The following TMEM178B variants were observed in gnomAD, a reference collection of about 807,000 sequenced individuals.
The protein encoded by TMEM178B is transmembrane protein 178B.
A neutral mutation model predicts 31.0 loss-of-function variants in TMEM178B; 5 were observed. That is an observed-to-expected ratio of 0.16 (90% CI 0.08 to 0.34). The LOEUF (loss-of-function observed/expected upper bound fraction) is 0.34. TMEM178B is among the 10% of genes least tolerant of loss of function. TMEM178B has a pLI of 1.00. For missense variants in TMEM178B, 275 were observed against 400.3 expected, an observed-to-expected ratio of 0.69 and a Z score of 2.67; for synonymous variants, 164 against 164.0, an observed-to-expected ratio of 1.00 and a Z score of 0.00.
Position 141,437,709 on chromosome 7 carries a change from A to T in TMEM178B, c.598A>T (p.Met200Leu). The change falls in exon 3 of 4, where the codon ATG becomes TTG. Residue 200 changes from methionine to leucine, a missense_variant. By Grantham distance (15) the Met-to-Leu change is conservative. Coordinates refer to ENST00000565468, the MANE Select transcript of TMEM178B (RefSeq NM_001195278.2). ...GGGCTGCTGCTGGGACCGAGGCCTT[A>T]TGCAGTACGTGGCAGGGCTGCTCTT... The part of the protein sequence containing the change: ...VLGCCWDRGL[M>L]QYVAGLLFLM... 6.5e-7 allele frequency: 1 copy of T among 1,536,160 alleles called. No individual in the cohort carries two copies. The highest frequency in any genetic ancestry group is 8.7e-7 in the Non-Finnish European group (1 of 1,146,888).
chr7:141,350,674 C>G (rs908711457), intron 2 of TMEM178B, among the ~76,000 whole-genome samples: 1 of 152,044 alleles, frequency 6.6e-6, no homozygotes, highest in Non-Finnish European at 1.5e-5. Context: ...ATATGTTTAC[C>G]AGGTTAAATT....
chr7:141,122,490 C>T (rs1291390062), intron 1 of TMEM178B, among the ~76,000 whole-genome samples: 6 of 152,158 alleles, frequency 3.9e-5, no homozygotes, highest in Non-Finnish European at 7.4e-5. Flanking sequence ...GATTGTGAAA[C>T]AAAGGGATGT....
chr7:141,135,921 G>GT (rs148351165), intron 1 of TMEM178B, among the ~76,000 whole-genome samples: 5,122 of 151,750 alleles, frequency 0.034, 289 homozygotes, highest in African/African-American at 0.11. Flanking sequence ...GAAATGAGAG[G>GT]TTTTTTTTGA....
chr7:141,092,952 G>A (rs1794903477), intron 1 of TMEM178B, among the ~76,000 whole-genome samples: 1 of 152,258 alleles, frequency 6.6e-6, no homozygotes, highest in South Asian at 2.1e-4. Flanking sequence ...AGAGAATGGT[G>A]GCATGTTATA....
chr7:141,230,816 A>T (rs1797430021), intron 2 of TMEM178B, among the ~76,000 whole-genome samples: 1 of 151,840 alleles, frequency 6.6e-6, no homozygotes, highest in African/African-American at 2.4e-5. Flanking sequence ...TTTATTTTTT[A>T]TTTTTTGTAG....
intron 2 of TMEM178B, among the ~76,000 whole-genome samples, chr7:141,243,483 G>A (rs941491410): frequency 2.0e-5 from 3 of 152,154 alleles, no homozygotes; most frequent in Non-Finnish European, 2.9e-5. Flanking sequence ...TGAGGGAAAC[G>A]TCAGCAGGGG....
intron 1 of TMEM178B, among the ~76,000 whole-genome samples, chr7:141,086,897 G>T (rs1794797078): frequency 6.6e-6 from 1 of 151,896 alleles, no homozygotes; most frequent in Non-Finnish European, 1.5e-5. Flanking sequence ...CATGTTGGCC[G>T]GGCTCTTATC....
chr7:141,174,240 G>T (rs926349241), intron 1 of TMEM178B, among the ~76,000 whole-genome samples: 1 of 151,844 alleles, frequency 6.6e-6, no homozygotes, highest in African/African-American at 2.4e-5. Context: ...GCATTAGTTT[G>T]CTGAGAATGA....
rs115084496 is a variant in TMEM178B, at chr7:141,372,333, C to T, written c.497-65275C>T. Among the ~76,000 whole-genome samples the T allele has an allele frequency of 5.4e-3, 817 of 152,260 alleles. 8 individuals are homozygous for T. The highest frequency in any genetic ancestry group is 0.019 in the African/African-American group (789 of 41,550). On this transcript the variant is annotated intron_variant, in intron 2 of 3. Coordinates refer to ENST00000565468, the MANE Select transcript of TMEM178B (RefSeq NM_001195278.2). ...CTCCTCGCTGTCTCTGCTCGGGACA[C>T]ACAGATCTCCAGGCTGTTCATCATG...
intron 1 of TMEM178B, among the ~76,000 whole-genome samples, chr7:141,163,695 A>G (rs1796215584): frequency 2.0e-5 from 3 of 151,762 alleles, no homozygotes; most frequent in African/African-American, 7.3e-5. Context: ...TTGTATTTTT[A>G]GTAGAGGTGG....
chr7:141,471,787 T>C lies in TMEM178B; in HGVS notation c.*1001T>C, dbSNP rs141917843. 3.4e-3 allele frequency: 376 copies of C among 112,020 alleles called. 2 individuals carry two copies. Among genetic ancestry groups the C allele is most frequent in the African/African-American group, 0.013 (247 of 18,938 alleles). 6.9% of individuals were successfully genotyped at this position (112,020 alleles called of 1,614,324 possible). On this transcript the variant is annotated 3_prime_UTR_variant, in exon 4 of 4. Transcript: ENST00000565468. This position sits in a 1 kb window ranked among gnomAD's most constrained non-coding sequence, Gnocchi z 4.1. The stretch of plus-strand genomic sequence containing the variant: ...CTGGAGTGGTGTGTGTGTGCGTGTG[T>C]GTGTGTGTGTGTGTGTGTGTGTGTG...
intron 2 of TMEM178B, among the ~76,000 whole-genome samples, chr7:141,332,016 T>C (rs559332115): frequency 2.0e-5 from 3 of 152,338 alleles, no homozygotes; most frequent in Admixed American, 1.3e-4. Flanking sequence ...TCAGGACACT[T>C]ACCTGTACCC....
chr7:141,510,880 C>T, the TMEM178B span, among the ~76,000 whole-genome samples: 3 of 151,954 alleles, frequency 2.0e-5, no homozygotes, highest in Admixed American at 6.6e-5. Context: ...CAAAGAGCCA[C>T]AAAGAAGGGT....
At chr7:141,366,312 C>G (rs186290202) in intron 2 of TMEM178B, among the ~76,000 whole-genome samples, 4 of 152,084 alleles carry the variant, frequency 2.6e-5, no homozygotes, top group Admixed American at 6.5e-5. Context: ...ACTTCTGGCT[C>G]GAAAGGGAAA....
chr7:141,285,938 G>A (rs1047778405), intron 2 of TMEM178B, among the ~76,000 whole-genome samples: 5 of 152,098 alleles, frequency 3.3e-5, no homozygotes, highest in Admixed American at 3.3e-4. Context: ...TCCAGGGCCT[G>A]TCAGAGGATG....
At chr7:141,207,183 C>T (rs1223425802) in intron 1 of TMEM178B, among the ~76,000 whole-genome samples, 1 of 152,180 alleles carries the variant, frequency 6.6e-6, no homozygotes, top group Non-Finnish European at 1.5e-5. Context: ...ATACAGCTTT[C>T]CCTTATCCTT....
At chr7:141,438,304 A>G (rs989959884) in intron 3 of TMEM178B, among the ~76,000 whole-genome samples, 3 of 152,118 alleles carry the variant, frequency 2.0e-5, no homozygotes, top group African/African-American at 7.2e-5. Context: ...GGACCACTCC[A>G]GTGTCCCTCT....
Position 141,401,105 on chromosome 7 carries a change from C to T in TMEM178B, c.497-36503C>T, listed in dbSNP as rs567951127. ...GGTAGCTATAGCCTGGGAGCCTCTT[C>T]TTCATCCTCAGGTTTATCCAGTGTC... On this transcript the variant is annotated intron_variant, in intron 2 of 3. Coordinates refer to ENST00000565468, the MANE Select transcript of TMEM178B (RefSeq NM_001195278.2). 5.3e-5 allele frequency among the ~76,000 whole-genome samples: 8 copies of T among 152,260 alleles called. No homozygotes were observed. In the East Asian group the frequency reaches 5.8e-4, roughly 11 times the overall value.
At chr7:141,414,672 A>C (rs994296317) in intron 2 of TMEM178B, 2 of 152,564 alleles carry the variant, frequency 1.3e-5, no homozygotes, top group Non-Finnish European at 2.9e-5. Context: ...TCTAGCTTAT[A>C]TCTATCTCCA....
Sources: allele counts gnomAD v4.1 joint callset (sites outside exome capture counted in the v4.1 genomes callset), GRCh38; gene constraint gnomAD v4.1.1; non-coding constraint Gnocchi (gnomAD v3.1); transcripts MANE v1.5; gene names NCBI Gene and HGNC (gene_info 2026-07-23, HGNC 2026-07-21).